The following ROBO2 variants were observed in gnomAD, a reference collection of about 807,000 sequenced individuals.
The protein encoded by ROBO2 is roundabout guidance receptor 2.
ROBO2 carries 53 observed loss-of-function variants against 160.8 expected under a neutral mutation model. That is an observed-to-expected ratio of 0.33 (90% CI 0.26 to 0.41). The LOEUF (loss-of-function observed/expected upper bound fraction) is 0.41, where lower values mean the gene tolerates loss of function less well. ROBO2 is among the 10% of genes least tolerant of loss of function. The pLI is 1.00. For missense variants in ROBO2, 1,577 were observed against 1,722.4 expected (o/e 0.92, Z 1.49); for synonymous variants, 664 against 611.7 (o/e 1.09, Z -1.26).
chr3:76,943,434 T>C (rs984163839), intron 2 of ROBO2, among the ~76,000 whole-genome samples: 5 of 152,246 alleles, frequency 3.3e-5, no homozygotes, highest in African/African-American at 1.2e-4. Flanking sequence ...AGCCTGCCTT[T>C]AATGATCTCA....
chr3:76,257,397 C>A (rs968853100), intron 2 of ROBO2, among the ~76,000 whole-genome samples: 1 of 151,982 alleles, frequency 6.6e-6, no homozygotes, highest in African/African-American at 2.4e-5. Flanking sequence ...ATCTACTTGG[C>A]CCTAAACTTT....
intron 1 of ROBO2, among the ~76,000 whole-genome samples, chr3:75,926,827 T>C (rs978621112): frequency 3.9e-5 from 6 of 152,176 alleles, no homozygotes; most frequent in Non-Finnish European, 7.4e-5. Flanking sequence ...GGCCCTAATA[T>C]AGTAGATTTT....
At chr3:77,276,458 G>A (rs1231531560) in intron 2 of ROBO2, among the ~76,000 whole-genome samples, 1 of 152,122 alleles carries the variant, frequency 6.6e-6, no homozygotes, top group Admixed American at 6.5e-5. Flanking sequence ...CTTAAGGTTA[G>A]CATTGCCTCC....
chr3:77,190,886 C>A (rs1055413935), intron 2 of ROBO2, among the ~76,000 whole-genome samples: 14 of 151,896 alleles, frequency 9.2e-5, no homozygotes, highest in African/African-American at 2.7e-4. Flanking sequence ...GGTTAGGTAA[C>A]CTTTTTAAAA....
chr3:77,114,398 G>A lies in ROBO2; in HGVS notation c.388+16058G>A, dbSNP rs747928883. Among the ~76,000 whole-genome samples, 7 of 152,146 alleles carry A rather than the reference G, an allele frequency of 4.6e-5. No individual in the cohort carries two copies. The South Asian group carries it at 1.5e-3, about 32-fold the overall frequency. On this transcript the variant is annotated intron_variant, in intron 2 of 25. Transcript: ENST00000461745. ...TAACCTTTTCCCTAAGCCATGAAAA[G>A]ACTTTTTTCTTATTCCAGAAAATAT... is the stretch of plus-strand genomic sequence containing the variant.
intron 2 of ROBO2, among the ~76,000 whole-genome samples, chr3:77,362,335 G>A (rs772164495): frequency 6.6e-6 from 1 of 152,152 alleles, no homozygotes; most frequent in Non-Finnish European, 1.5e-5. Flanking sequence ...GTGGGGGTCA[G>A]TGGATGGAAA....
chr3:76,095,519 A>G lies in ROBO2; in HGVS notation c.109+157917A>G, dbSNP rs533903021. The stretch of plus-strand genomic sequence containing the variant: ...TATAAATAACATTATATCAATTGAT[A>G]TAATGATAACTCAAATAATGAAATG... On this transcript the variant is annotated intron_variant, in intron 2 of 26. Coordinates refer to the ROBO2 transcript ENST00000487694. Among the ~76,000 whole-genome samples the G allele has an allele frequency of 1.6e-4, 24 of 152,288 alleles. No homozygotes were observed. The South Asian group carries it at 5.0e-3, about 32-fold the overall frequency.
intron 2 of ROBO2, among the ~76,000 whole-genome samples, chr3:76,363,642 G>C (rs975324921): frequency 1.3e-5 from 2 of 151,774 alleles, no homozygotes; most frequent in Non-Finnish European, 2.9e-5. Context: ...CTTGTAAAAA[G>C]CCTGTTTGTC....
At chr3:77,102,879 A>C (rs1000238702) in intron 2 of ROBO2, among the ~76,000 whole-genome samples, 1 of 151,934 alleles carries the variant, frequency 6.6e-6, no homozygotes, top group Non-Finnish European at 1.5e-5. Flanking sequence ...AGCTATCCAG[A>C]AAGTGTTTTT....
At chr3:76,430,357 A>C (rs561085839) in intron 2 of ROBO2, among the ~76,000 whole-genome samples, 1 of 152,280 alleles carries the variant, frequency 6.6e-6, no homozygotes, top group East Asian at 1.9e-4. Flanking sequence ...GAAAACACAT[A>C]GTCATTTAGT....
intron 19 of ROBO2, among the ~76,000 whole-genome samples, chr3:77,597,009 T>C (rs886231325): frequency 2.0e-5 from 3 of 152,090 alleles, no homozygotes; most frequent in Non-Finnish European, 4.4e-5. Flanking sequence ...ATAATATATA[T>C]GCTTTCAGGA....
chr3:76,916,960 C>T (rs1008533164), intron 2 of ROBO2, among the ~76,000 whole-genome samples: 3 of 151,860 alleles, frequency 2.0e-5, no homozygotes, highest in Admixed American at 1.3e-4. Context: ...AATTTTCTAA[C>T]CAACTGTCAG....
intron 2 of ROBO2, among the ~76,000 whole-genome samples, chr3:76,309,564 C>T (rs376871534): frequency 6.6e-6 from 1 of 152,118 alleles, no homozygotes; most frequent in African/African-American, 2.4e-5. Flanking sequence ...CTAAAGGTAC[C>T]TCTTCCAAGA....
At chr3:77,167,903 CTT>C (rs200853066) in intron 2 of ROBO2, among the ~76,000 whole-genome samples, 1,993 of 152,222 alleles carry the variant, frequency 0.013, 65 homozygotes, top group African/African-American at 0.045. Context: ...GCCGCATTAA[CTT>C]TGTTGTTTCC....
exon 26 of ROBO2, chr3:77,647,370 G>A (rs1256842094): frequency 6.6e-6 from 1 of 152,066 alleles, no homozygotes; most frequent in Non-Finnish European, 1.5e-5. Flanking sequence ...ATATTCTATG[G>A]TACATTCTCA....
chr3:76,242,758 G>A lies in ROBO2; in HGVS notation c.109+305156G>A, dbSNP rs142685334. Reference sequence around the variant, plus strand: ...AAATTGGCAAGACATGGTGGTGCATGCCTGTGGTCCCAGCTAGCTGGGAGG... The same window carrying A: ...AAATTGGCAAGACATGGTGGTGCATACCTGTGGTCCCAGCTAGCTGGGAGG... On this transcript the variant is annotated intron_variant, in intron 2 of 26. Coordinates refer to the ROBO2 transcript ENST00000487694. 2.8e-3 allele frequency among the ~76,000 whole-genome samples: 427 copies of A among 152,158 alleles called. 2 individuals are homozygous for A. Among genetic ancestry groups the A allele is most frequent in the African/African-American group, 9.9e-3 (413 of 41,522 alleles).
intron 2 of ROBO2, among the ~76,000 whole-genome samples, chr3:76,974,860 G>C (rs1454169693): frequency 6.6e-6 from 1 of 152,036 alleles, no homozygotes; most frequent in Admixed American, 6.6e-5. Context: ...ATTCAAAAAA[G>C]CAAAAGTAGT....
At chr3:76,061,646 C>T (rs1310705361) in intron 2 of ROBO2, among the ~76,000 whole-genome samples, 1 of 152,146 alleles carries the variant, frequency 6.6e-6, no homozygotes, top group African/African-American at 2.4e-5. Context: ...AATTTCCCTC[C>T]TGGAGAAAGT....
intron 2 of ROBO2, among the ~76,000 whole-genome samples, chr3:76,642,509 C>T (rs1356943369): frequency 5.3e-5 from 8 of 151,920 alleles, no homozygotes; most frequent in South Asian, 2.1e-4. Flanking sequence ...TGCGCCACCA[C>T]GCCCTGCCAA....
Sources: allele counts gnomAD v4.1 joint callset (sites outside exome capture counted in the v4.1 genomes callset), GRCh38; gene constraint gnomAD v4.1.1; transcripts MANE v1.5; gene names NCBI Gene and HGNC (gene_info 2026-07-23, HGNC 2026-07-21).